Variants in DOCK1 observed in about 807,000 individuals in gnomAD.
DOCK1 encodes the protein dedicator of cytokinesis protein 1.
DOCK1 carries 138 observed loss-of-function variants against 262.7 expected under a neutral mutation model. The ratio of observed to expected loss-of-function variants is 0.53; its 90% CI spans 0.46 to 0.61. The LOEUF (loss-of-function observed/expected upper bound fraction) is 0.61, where lower values mean the gene tolerates loss of function less well. DOCK1 is among the 20% of genes least tolerant of loss of function. DOCK1 has a pLI of 0.00. For missense variants in DOCK1, 1,908 were observed against 2,370.7 expected, an observed-to-expected ratio of 0.80 and a Z score of 4.05; for synonymous variants, 866 against 867.4, an observed-to-expected ratio of 1.00 and a Z score of 0.03.
At position 127,399,386 on chromosome 10, in the gene DOCK1, G is replaced by A. The variant is rs141498174; in HGVS notation, c.3928-3669G>A. Among the ~76,000 whole-genome samples, 130 of 152,204 alleles carry A rather than the reference G, an allele frequency of 8.5e-4. 1 individual carries two copies. Among genetic ancestry groups the A allele is most frequent in the African/African-American group, 2.9e-3 (119 of 41,548 alleles). ...CGGAAACATTTTCCAAGGTATTCAC[G>A]TTGGAAGTATGAATTACCCACACTC... On this transcript the variant is annotated intron_variant, in intron 38 of 51. Transcript: ENST00000623213.
At chr10:127,305,125 T>G (rs561823033) in intron 29 of DOCK1, among the ~76,000 whole-genome samples, 81 of 152,330 alleles carry the variant, frequency 5.3e-4, no homozygotes, top group African/African-American at 1.9e-3. Flanking sequence ...GCATATTTTT[T>G]TTAGCTCTTT....
At chr10:127,082,469 C>G (rs181922295) in intron 23 of DOCK1, among the ~76,000 whole-genome samples, 3 of 152,162 alleles carry the variant, frequency 2.0e-5, no homozygotes, top group African/African-American at 7.2e-5. Flanking sequence ...TGGCGGCAGG[C>G]AAGAGAGCGT....
At chr10:127,137,403 A>T (rs1352774458) in intron 27 of DOCK1, 2 of 154,854 alleles carry the variant, frequency 1.3e-5, no homozygotes, top group African/African-American at 4.8e-5. Flanking sequence ...AAACATAAAA[A>T]TGAAGTCCTT....
chr10:127,108,177 G>A (rs2048650254), intron 24 of DOCK1, among the ~76,000 whole-genome samples: 1 of 152,208 alleles, frequency 6.6e-6, no homozygotes, highest in African/African-American at 2.4e-5. Flanking sequence ...ATTGGTTCAT[G>A]TTTTAATAAA....
chr10:127,189,974 T>C (rs2056598033), intron 27 of DOCK1, among the ~76,000 whole-genome samples: 1 of 152,228 alleles, frequency 6.6e-6, no homozygotes, highest in African/African-American at 2.4e-5. Flanking sequence ...CCTTCTCTCA[T>C]GCTGGCCCGA....
chr10:127,023,803 C>G (rs1384830365), intron 14 of DOCK1, among the ~76,000 whole-genome samples: 2 of 151,990 alleles, frequency 1.3e-5, no homozygotes, highest in Non-Finnish European at 2.9e-5. Flanking sequence ...TGTCACAAGC[C>G]CAAGGCCTAA....
At chr10:127,209,858 A>C (rs1344943871) in intron 27 of DOCK1, among the ~76,000 whole-genome samples, 2 of 152,186 alleles carry the variant, frequency 1.3e-5, no homozygotes, top group Non-Finnish European at 2.9e-5. Flanking sequence ...GTTAGCACAC[A>C]CACCTAAATA....
intron 43 of DOCK1, among the ~76,000 whole-genome samples, chr10:127,411,566 C>T (rs1323625973): frequency 6.6e-6 from 1 of 152,194 alleles, no homozygotes; most frequent in African/African-American, 2.4e-5. Context: ...CCAGGCCAGG[C>T]ATGGTGGCTC....
At chr10:127,084,319 A>G (rs778524381) in intron 23 of DOCK1, among the ~76,000 whole-genome samples, 5 of 152,196 alleles carry the variant, frequency 3.3e-5, no homozygotes, top group African/African-American at 4.8e-5. Context: ...TTTGTTAAGC[A>G]AAGACATCTG....
At chr10:127,091,318 G>A (rs79681395) in intron 23 of DOCK1, among the ~76,000 whole-genome samples, 213 of 152,234 alleles carry the variant, frequency 1.4e-3, no homozygotes, top group African/African-American at 4.9e-3. Flanking sequence ...GGTATACATC[G>A]AGGAGTGAAA....
At chr10:127,061,929 CTTTTTT>C (rs562310710) in intron 23 of DOCK1, among the ~76,000 whole-genome samples, 153 bp downstream of exon 23, 1 of 71,786 alleles carries the variant, frequency 1.4e-5, no homozygotes. Flanking sequence ...AAGAGCTGTG[CTTTTTT>C]TTTTTTTTTT....
At chr10:127,343,832 A>T (rs2063524587) in intron 31 of DOCK1, 86 bp downstream of exon 31, 7 of 1,112,030 alleles carry the variant, frequency 6.3e-6, no homozygotes, top group Non-Finnish European at 7.8e-6. Flanking sequence ...AGCCAACTTG[A>T]TACAAATTGA....
intron 27 of DOCK1, among the ~76,000 whole-genome samples, chr10:127,186,508 C>G (rs1408758598): frequency 1.3e-4 from 2 of 14,972 alleles, no homozygotes; most frequent in African/African-American, 5.2e-4. Flanking sequence ...GGAGAAACCG[C>G]CCCCCCGCCC....
chr10:127,011,986 G>A (rs531156769), intron 11 of DOCK1, among the ~76,000 whole-genome samples: 2 of 152,258 alleles, frequency 1.3e-5, no homozygotes, highest in African/African-American at 2.4e-5. Flanking sequence ...GAGGCCTGGT[G>A]CACGTTTATT....
At chr10:127,142,612 T>A (rs574254313) in intron 27 of DOCK1, among the ~76,000 whole-genome samples, 2 of 152,240 alleles carry the variant, frequency 1.3e-5, no homozygotes, top group East Asian at 1.9e-4. Context: ...TTTTGCTGGG[T>A]GAGAAGGGAA....
At chr10:127,140,909 C>T (rs1338670723) in intron 27 of DOCK1, among the ~76,000 whole-genome samples, 1 of 152,172 alleles carries the variant, frequency 6.6e-6, no homozygotes, top group African/African-American at 2.4e-5. Context: ...TTTGAGACAG[C>T]GGCTTGTTCA....
intron 18 of DOCK1, among the ~76,000 whole-genome samples, chr10:127,035,049 C>T (rs558525534): frequency 1.4e-4 from 21 of 152,366 alleles, no homozygotes; most frequent in African/African-American, 5.0e-4. Context: ...TGTGATGCCA[C>T]TCACCAGGAC....
chr10:126,917,482 C>CCA (rs1564981103), intron 1 of DOCK1, among the ~76,000 whole-genome samples: 2 of 152,172 alleles, frequency 1.3e-5, no homozygotes, highest in African/African-American at 4.8e-5. Flanking sequence ...CGTGGCCATC[C>CCA]TGGCCTCATT....
At chr10:127,204,225 T>G (rs986347192) in intron 27 of DOCK1, among the ~76,000 whole-genome samples, 14 of 152,158 alleles carry the variant, frequency 9.2e-5, no homozygotes, top group Middle Eastern at 3.2e-3. Context: ...CTTTTTCCCA[T>G]TTGTGTTCAT....
Sources: gnomAD v4.1 joint callset for allele counts (sites outside exome capture counted in the v4.1 genomes callset) on GRCh38, gnomAD v4.1.1 for gene constraint, MANE v1.5 for transcripts, NCBI Gene and HGNC (gene_info 2026-07-23, HGNC 2026-07-21) for gene names.